Variants in UBAP1 observed in about 807,000 individuals in gnomAD.
The protein encoded by UBAP1 is ubiquitin associated protein 1.
Under a neutral mutation model 39.0 loss-of-function variants are expected in UBAP1, and 5 were observed. That is an observed-to-expected ratio of 0.13 (90% CI 0.07 to 0.27). UBAP1 has a LOEUF of 0.27. UBAP1 is among the 10% of genes least tolerant of loss of function. UBAP1 has a pLI of 1.00. For missense variants in UBAP1, 490 were observed against 608.1 expected (o/e 0.81, Z 2.04); for synonymous variants, 211 against 225.1 (o/e 0.94, Z 0.56).
chr9:34,247,281 G>A (rs551721345), intron 4 of UBAP1, among the ~76,000 whole-genome samples: 134 of 152,134 alleles, frequency 8.8e-4, no homozygotes, highest in African/African-American at 3.0e-3. Context: ...ATCTTATTTT[G>A]TTTGTCCCTG....
In UBAP1 at chr9:34,179,285, T is replaced by G. The variant is rs747233653; in HGVS notation, c.-8+45T>G. On this transcript the variant is annotated intron_variant, in intron 1 of 6. Coordinates refer to ENST00000297661, the MANE Select transcript of UBAP1 (RefSeq NM_016525.5). Reference sequence around the variant, plus strand: ...GGGGGAGGGGGAAGAGGGGCGGAGTTGGGGGAGGGGGGCTGGTACTGGGAG... The same window carrying G: ...GGGGGAGGGGGAAGAGGGGCGGAGTGGGGGGAGGGGGGCTGGTACTGGGAG... 349 of 40,192 alleles carry G rather than the reference T, an allele frequency of 8.7e-3. 1 individual carries two copies. Among genetic ancestry groups the G allele is most frequent in the African/African-American group, 0.068 (148 of 2,184 alleles). The allele number at this position is 40,192 out of a possible 1,614,324, so 2.5% of individuals were successfully genotyped here.
intron 3 of UBAP1, among the ~76,000 whole-genome samples, chr9:34,236,079 C>G (rs575162027): frequency 6.6e-6 from 1 of 151,848 alleles, no homozygotes; most frequent in African/African-American, 2.4e-5. Context: ...AGGCTGGTCT[C>G]GAGCTCCTGA....
intron 3 of UBAP1, among the ~76,000 whole-genome samples, chr9:34,237,501 G>A (rs1401969120): frequency 6.6e-6 from 1 of 151,632 alleles, no homozygotes; most frequent in East Asian, 1.9e-4. Flanking sequence ...GTTACTTTTG[G>A]GAGAAAAAAA....
intron 1 of UBAP1, among the ~76,000 whole-genome samples, chr9:34,205,773 C>T (rs967818396): frequency 6.6e-6 from 1 of 152,134 alleles, no homozygotes; most frequent in Non-Finnish European, 1.5e-5. Context: ...GCGGGAGGAT[C>T]ACGAGGTCAA....
chr9:34,241,868 C>A lies in UBAP1; in HGVS notation c.843C>A (p.Ala281=). 6.2e-7 allele frequency: 1 copy of A among 1,614,132 alleles called. No individual in the cohort carries two copies. The highest frequency in any genetic ancestry group is 1.3e-5 in the African/African-American group (1 of 75,036). The change falls in exon 4 of 7, where the codon GCC becomes GCA. Residue 281 remains alanine (A), a synonymous_variant. Coordinates refer to ENST00000297661, the MANE Select transcript of UBAP1 (RefSeq NM_016525.5). The part of the protein sequence containing the change: ...LDSDDSNQKT[A]KLASTFHSTS... The stretch of plus-strand genomic sequence containing the variant: ...CTGATGACAGCAATCAGAAGACAGC[C>A]AAGCTGGCGAGCACTTTCCATAGCA...
At chr9:34,189,174 A>G (rs1045838062) in intron 1 of UBAP1, among the ~76,000 whole-genome samples, 4 of 150,864 alleles carry the variant, frequency 2.7e-5, no homozygotes, top group African/African-American at 7.3e-5. Context: ...TCTTTCTTCT[A>G]GTAGATCATT....
chr9:34,179,390 C>G (rs1355904126), intron 1 of UBAP1, 150 bp downstream of exon 1: 11 of 563,188 alleles, frequency 2.0e-5, no homozygotes, highest in Non-Finnish European at 2.9e-5. Flanking sequence ...GCCGGAGATC[C>G]GCGATTCGGG....
At chr9:34,249,690 C>T in intron 4 of UBAP1, 89 bp from the exon 5 acceptor site, 1 of 1,300,326 alleles carries the variant, frequency 7.7e-7, no homozygotes, top group Non-Finnish European at 1.1e-6. Context: ...TGAATAGTGT[C>T]AGAAATGCCA....
chr9:34,243,293 T>A (rs1834053603), intron 4 of UBAP1, among the ~76,000 whole-genome samples: 1 of 152,156 alleles, frequency 6.6e-6, no homozygotes, highest in Non-Finnish European at 1.5e-5. Flanking sequence ...CATTTAGAGA[T>A]CAAAGCCAAT....
chr9:34,249,805 A>ACAAGTG lies in UBAP1; in HGVS notation c.1112_1117dup (p.Gln371_Val372dup). On this transcript the variant is annotated inframe_insertion, in exon 5 of 7. Transcript: ENST00000297661. ...TCACCCCTCCTAATTTCTCAGTGTC[A>ACAAGTG]CAAGTGCCCAACATGCCCAGCTGTC... The ACAAGTG allele has an allele frequency of 3.1e-6, 5 of 1,614,114 alleles. No homozygotes were observed. Among genetic ancestry groups the ACAAGTG allele is most frequent in the Non-Finnish European group, 4.2e-6 (5 of 1,180,008 alleles).
At chr9:34,207,615 A>G (rs542572361) in intron 1 of UBAP1, among the ~76,000 whole-genome samples, 91 of 149,294 alleles carry the variant, frequency 6.1e-4, no homozygotes, top group African/African-American at 2.1e-3. Flanking sequence ...CTGCTGTGGT[A>G]TATTGGTATG....
At position 34,242,101 on chromosome 9, in the gene UBAP1, G is replaced by T; in HGVS notation, c.1076G>T (p.Gly359Val). 1 of 1,588,034 alleles carries T rather than the reference G, an allele frequency of 6.3e-7. No homozygotes were observed. The change falls in exon 4 of 7, where the codon GGT becomes GTT. Residue 359 changes from glycine (G) to valine (V), a missense_variant. Coordinates refer to ENST00000297661, the MANE Select transcript of UBAP1 (RefSeq NM_016525.5). The stretch of plus-strand genomic sequence containing the variant: ...GAGGAATCATCACCTCCAAATACTG[G>T]TCCCACGGTAAGTCTTTTAAATCCC... The part of the protein sequence containing the change: ...CTEESSPPNT[G>V]PTVTPPNFSV...
intron 1 of UBAP1, among the ~76,000 whole-genome samples, chr9:34,202,157 G>T (rs1249688157): frequency 6.6e-6 from 1 of 152,042 alleles, no homozygotes; most frequent in Non-Finnish European, 1.5e-5. Flanking sequence ...CCAGAGTACA[G>T]AGTGGGAGTC....
chr9:34,251,638 G>C lies in UBAP1; in HGVS notation c.*106G>C. On this transcript the variant is annotated 3_prime_UTR_variant, in exon 7 of 7. Coordinates refer to ENST00000297661, the MANE Select transcript of UBAP1 (RefSeq NM_016525.5). Reference sequence around the variant, plus strand: ...GGGCAGCTTCCGGATTTTCTTTTGGGGGTTAGAAGGTCAGGTGTGGAGACT... The same window carrying C: ...GGGCAGCTTCCGGATTTTCTTTTGGCGGTTAGAAGGTCAGGTGTGGAGACT... The C allele has an allele frequency of 7.7e-7, 1 of 1,304,648 alleles. No homozygotes were observed. Among genetic ancestry groups the C allele is most frequent in the East Asian group, 2.5e-5 (1 of 40,242 alleles). 80.8% of individuals were successfully genotyped at this position (1,304,648 alleles called of 1,614,324 possible).
intron 1 of UBAP1, among the ~76,000 whole-genome samples, chr9:34,183,565 A>C (rs978362157): frequency 2.0e-5 from 3 of 151,350 alleles, no homozygotes; most frequent in Admixed American, 6.6e-5. Flanking sequence ...AAAAAAAAAA[A>C]AAACATTAAA....
chr9:34,181,726 C>T (rs183829910), intron 1 of UBAP1, among the ~76,000 whole-genome samples: 10 of 141,154 alleles, frequency 7.1e-5, no homozygotes, highest in Admixed American at 5.9e-4. Context: ...GCCACCGTGC[C>T]AGGCCTTTTT....
chr9:34,247,387 G>A (rs1834232273), intron 4 of UBAP1, among the ~76,000 whole-genome samples: 2 of 151,984 alleles, frequency 1.3e-5, no homozygotes, highest in Admixed American at 6.6e-5. Flanking sequence ...AAAAAATATT[G>A]TAGAGCATGT....
chr9:34,184,926 C>CTTTTT (rs35634769), intron 1 of UBAP1, among the ~76,000 whole-genome samples: 21 of 105,112 alleles, frequency 2.0e-4, no homozygotes, highest in Non-Finnish European at 2.7e-4. Context: ...CCAGCCAATC[C>CTTTTT]TTTTTTTTTT....
intron 1 of UBAP1, among the ~76,000 whole-genome samples, chr9:34,203,060 T>C (rs1360890235): frequency 2.0e-5 from 3 of 152,168 alleles, no homozygotes; most frequent in African/African-American, 7.2e-5. Flanking sequence ...TGAAGGAAAC[T>C]GAATCACTTT....
Sources: gnomAD v4.1 joint callset for allele counts (sites outside exome capture counted in the v4.1 genomes callset) on GRCh38, gnomAD v4.1.1 for gene constraint, MANE v1.5 for transcripts, NCBI Gene and HGNC (gene_info 2026-07-23, HGNC 2026-07-21) for gene names.